PLCG1: variants seen among roughly 807,000 people sequenced by gnomAD.
PLCG1 encodes the protein phospholipase C gamma 1.
Under a neutral mutation model 177.8 loss-of-function variants are expected in PLCG1, and 71 were observed. That is an observed-to-expected ratio of 0.40 (90% CI 0.33 to 0.49). The LOEUF is 0.49. Ranked by LOEUF, PLCG1 falls within the 20% of genes least tolerant of loss-of-function variation. The pLI, the probability that PLCG1 is intolerant of heterozygous loss-of-function variation, is 0.72. For synonymous variants in PLCG1, 658 were observed against 647.9 expected (o/e 1.02, Z -0.24); for missense variants, 1,281 against 1,709.0 (o/e 0.75, Z 4.42).
chr20:41,138,270 C>T (rs1185555646), intron 1 of PLCG1, among the ~76,000 whole-genome samples: 2 of 151,786 alleles, frequency 1.3e-5, no homozygotes, highest in East Asian at 3.9e-4. Context: ...ACTCTTTATC[C>T]AGAAAGAGCA....
intron 22 of PLCG1, 50 bp from the exon 23 acceptor site, chr20:41,169,407 A>G: frequency 1.4e-6 from 2 of 1,382,650 alleles, no homozygotes; most frequent in Non-Finnish European, 2.1e-6. Flanking sequence ...ATCCCCTCAC[A>G]CACATATGCA....
chr20:41,145,948 T>G (rs1031140769), intron 1 of PLCG1, among the ~76,000 whole-genome samples: 2 of 152,198 alleles, frequency 1.3e-5, no homozygotes, highest in African/African-American at 4.8e-5. Flanking sequence ...GTGCCCAGGC[T>G]TAAGTCCTAG....
In PLCG1 at chr20:41,163,828, C is replaced by T; in HGVS notation, c.1005C>T (p.His335=). Reference sequence around the variant, plus strand: ...CCCACTACTGGATCTCCTCCTCGCACAACACGTGAGTGTGGCTCCTTCAGG... The same window carrying T: ...CCCACTACTGGATCTCCTCCTCGCATAACACGTGAGTGTGGCTCCTTCAGG... ...PLSHYWISSS[H]NTYLTGDQFS... is the part of the protein sequence containing the mutation. Residue 335 remains histidine (H), a synonymous_variant, in exon 10 of 32, where the codon CAC becomes CAT. Coordinates refer to ENST00000685551, the MANE Select transcript of PLCG1 (RefSeq NM_002660.3). The surrounding 1 kb of genome is among the most constrained non-coding windows in gnomAD (Gnocchi z 5.2). 1 of 1,612,688 alleles carries T rather than the reference C, an allele frequency of 6.2e-7. No individual in the cohort carries two copies. The highest frequency in any genetic ancestry group is 8.5e-7 in the Non-Finnish European group (1 of 1,178,666).
chr20:41,174,534 C>T lies in PLCG1; in HGVS notation c.*25C>T, dbSNP rs1380194958. ...GTTGTACCCCAGCCTCGTTGGAGAGCAGCAGGTGCTGTGCGCCTTGTAGAA... is the reference window on the plus strand; with the variant it reads ...GTTGTACCCCAGCCTCGTTGGAGAGTAGCAGGTGCTGTGCGCCTTGTAGAA... On this transcript the variant is annotated 3_prime_UTR_variant, in exon 32 of 32. Transcript: ENST00000685551. The surrounding 1 kb of genome is among the most constrained non-coding windows in gnomAD (Gnocchi z 5.8). The T allele has an allele frequency of 1.3e-6, 2 of 1,571,946 alleles. No homozygotes were observed. The highest frequency in any genetic ancestry group is 2.3e-5 in the East Asian group (1 of 42,674).
rs1235041983 is a variant in PLCG1 at position 41,167,995 on chromosome 20, T to C, written c.2379+66T>C. 1.0e-5 allele frequency: 11 copies of C among 1,087,126 alleles called. No homozygotes were observed. Among genetic ancestry groups the C allele is most frequent in the South Asian group, 1.0e-4 (8 of 79,458 alleles). The allele number at this position is 1,087,126 out of a possible 1,614,324, so 67.3% of individuals were successfully genotyped here. A position where few individuals can be genotyped will look rare whatever the true frequency, so the allele number is the denominator to read the frequency against. ...CCCCAGCTGCTTGGGGCTTCATTTC[T>C]GTGTTCTGGGCCATCTGTGGTCTTT... On this transcript the variant is annotated intron_variant, in intron 20 of 31. Coordinates refer to ENST00000685551, the MANE Select transcript of PLCG1 (RefSeq NM_002660.3). This position sits in a 1 kb window ranked among gnomAD's most constrained non-coding sequence, Gnocchi z 4.4.
chr20:41,172,715 T>A lies in PLCG1; in HGVS notation c.3131-14T>A, dbSNP rs1175667412. 1 of 1,613,470 alleles carries A rather than the reference T, an allele frequency of 6.2e-7. No homozygotes were observed. Among genetic ancestry groups the A allele is most frequent in the South Asian group, 1.1e-5 (1 of 91,064 alleles). On this transcript the variant is annotated splice_polypyrimidine_tract_variant and intron_variant, in intron 26 of 31. Transcript: ENST00000685551. This position sits in a 1 kb window ranked among gnomAD's most constrained non-coding sequence, Gnocchi z 7.0. ...GCAGCTGGACTGGAATACACCATAATCTGCCTCTTCCAGACAAGCCTATGC... is the reference window on the plus strand; with the variant it reads ...GCAGCTGGACTGGAATACACCATAAACTGCCTCTTCCAGACAAGCCTATGC...
At chr20:41,171,995 G>T (rs1186096496) in intron 24 of PLCG1, among the ~76,000 whole-genome samples, 198 bp from the exon 25 acceptor site, 1 of 152,228 alleles carries the variant, frequency 6.6e-6, no homozygotes, top group Non-Finnish European at 1.5e-5. Context: ...GGACAGAAAA[G>T]AGGAAAGATG....
rs757996198 is a variant in PLCG1 at position 41,174,222 on chromosome 20, C to T, written c.3744C>T (p.Gly1248=). The change falls in exon 31 of 32, where the codon GGC becomes GGT. Residue 1248 remains glycine, a synonymous_variant. Coordinates refer to ENST00000685551, the MANE Select transcript of PLCG1 (RefSeq NM_002660.3). This position sits in a 1 kb window ranked among gnomAD's most constrained non-coding sequence, Gnocchi z 5.8. ...TGTTTCATGGCCGAGCCCGGGAAGG[C>T]TCCTTTGAATCCCGCTACCAGCAGC... The part of the protein sequence containing the change: ...GQLFHGRARE[G]SFESRYQQPF... 6.2e-7 allele frequency: 1 copy of T among 1,614,160 alleles called. No individual in the cohort carries two copies. Among genetic ancestry groups the T allele is most frequent in the Admixed American group, 1.7e-5 (1 of 60,022 alleles).
chr20:41,173,566 C>T lies in PLCG1; in HGVS notation c.3394+32C>T, dbSNP rs1285378917. ...CTGTCTTCCCAGTCATCCTCCTCAT[C>T]CTGCTGGGGCACTGCAAGCCTCTCC... On this transcript the variant is annotated intron_variant, in intron 28 of 31. Coordinates refer to ENST00000685551, the MANE Select transcript of PLCG1 (RefSeq NM_002660.3). This position sits in a 1 kb window ranked among gnomAD's most constrained non-coding sequence, Gnocchi z 6.2. The T allele has an allele frequency of 1.1e-5, 18 of 1,614,014 alleles. No homozygotes were observed. The highest frequency in any genetic ancestry group is 1.5e-5 in the Non-Finnish European group (18 of 1,179,974).
rs1171158627 is a variant in PLCG1, at chr20:41,156,130, T to C, written c.218-3476T>C. On this transcript the variant is annotated intron_variant, in intron 1 of 31. Transcript: ENST00000685551. This position sits in a 1 kb window ranked among gnomAD's most constrained non-coding sequence, Gnocchi z 5.0. ...ACAGTCCAGGCACAGGTGTGTGTGG[T>C]CCCTCATTACTTCAGAGCCCCTTAA... is the stretch of plus-strand genomic sequence containing the variant. Among the ~76,000 whole-genome samples, 1 of 152,120 alleles carries C rather than the reference T, an allele frequency of 6.6e-6. No individual in the cohort carries two copies. Among genetic ancestry groups the C allele is most frequent in the Admixed American group, 6.5e-5 (1 of 15,280 alleles).
At position 41,175,067 on chromosome 20, in the gene PLCG1, A is replaced by AG. The variant is rs2036020425; in HGVS notation, c.*558_*559insG. ...TTCTGCCCTGCCTGAGGAGGAGGAC[A>AG]CAGCACAAGGGCACATTGCCCATGG... On this transcript the variant is annotated 3_prime_UTR_variant, in exon 32 of 32. Transcript: ENST00000685551. The AG allele has an allele frequency of 6.5e-6, 1 of 154,988 alleles. No individual in the cohort carries two copies. The highest frequency in any genetic ancestry group is 6.4e-5 in the Admixed American group (1 of 15,614). 9.6% of individuals were successfully genotyped at this position (154,988 alleles called of 1,614,324 possible). A position where few individuals can be genotyped will look rare whatever the true frequency, so the allele number is the denominator to read the frequency against.
intron 24 of PLCG1, among the ~76,000 whole-genome samples, chr20:41,171,586 CA>C (rs71844995): frequency 0.26 from 16,235 of 63,480 alleles, 475 homozygotes; most frequent in East Asian, 0.39. Flanking sequence ...GACTCTGTCT[CA>C]AAAAAAAAAA....
intron 1 of PLCG1, among the ~76,000 whole-genome samples, chr20:41,138,682 CTT>C (rs1282737433): frequency 6.6e-6 from 1 of 152,072 alleles, no homozygotes; most frequent in Non-Finnish European, 1.5e-5. Flanking sequence ...GAGTCTAGCC[CTT>C]TGTCCTCTGT....
rs2035050835 is a variant in PLCG1, at chr20:41,148,060, TA to T, written c.217+10206del. On this transcript the variant is annotated intron_variant, in intron 1 of 31. Coordinates refer to ENST00000685551, the MANE Select transcript of PLCG1 (RefSeq NM_002660.3). This position sits in a 1 kb window ranked among gnomAD's most constrained non-coding sequence, Gnocchi z 4.3. ...CTGTGGCGGCTGGGTCAAGTAGCTC[TA>T]AAACAGGAGAGCCTAGTGGGTTCTG... is the stretch of plus-strand genomic sequence containing the variant. 6.6e-6 allele frequency among the ~76,000 whole-genome samples: 1 copy of T among 152,142 alleles called. No homozygotes were observed. The highest frequency in any genetic ancestry group is 6.5e-5 in the Admixed American group (1 of 15,272).
chr20:41,159,823 G>T lies in PLCG1; in HGVS notation c.371-47G>T. ...GGGAATGCCTGCTGGCTCCTGCCCA[G>T]TGGGAGGTATGTGCCCTCGGGGCAG... On this transcript the variant is annotated intron_variant, in intron 2 of 31. Transcript: ENST00000685551. This position sits in a 1 kb window ranked among gnomAD's most constrained non-coding sequence, Gnocchi z 6.0. The T allele has an allele frequency of 6.2e-7, 1 of 1,613,160 alleles. No individual in the cohort carries two copies. Among genetic ancestry groups the T allele is most frequent in the Non-Finnish European group, 8.5e-7 (1 of 1,179,068 alleles).
intron 1 of PLCG1, among the ~76,000 whole-genome samples, chr20:41,155,252 T>TG (rs2035284107): frequency 6.6e-6 from 1 of 152,164 alleles, no homozygotes; most frequent in African/African-American, 2.4e-5. Flanking sequence ...AAAACACACA[T>TG]GAATCTGAGG....
chr20:41,174,506 C>T lies in PLCG1; in HGVS notation c.3873C>T (p.Leu1291=), dbSNP rs200738304. ...CTCGGGTCAATGGAGACAACCGCCTCTAGTTGTACCCCAGCCTCGTTGGAG... is the reference window on the plus strand; with the variant it reads ...CTCGGGTCAATGGAGACAACCGCCTTTAGTTGTACCCCAGCCTCGTTGGAG... The part of the protein sequence containing the change: ...RRTRVNGDNR[L] The change falls in exon 32 of 32, where the codon CTC becomes CTT. Residue 1291 remains leucine (L), a synonymous_variant. Coordinates refer to ENST00000685551, the MANE Select transcript of PLCG1 (RefSeq NM_002660.3). The surrounding 1 kb of genome is among the most constrained non-coding windows in gnomAD (Gnocchi z 5.8). 1.3e-6 allele frequency: 2 copies of T among 1,585,842 alleles called. No individual in the cohort carries two copies. Among genetic ancestry groups the T allele is most frequent in the East Asian group, 4.6e-5 (2 of 43,570 alleles).
rs185020779 is a variant in PLCG1, at chr20:41,157,159, A to G, written c.218-2447A>G. Among the ~76,000 whole-genome samples, 33 of 151,664 alleles carry G rather than the reference A, an allele frequency of 2.2e-4. No individual in the cohort carries two copies. Among genetic ancestry groups the G allele is most frequent in the African/African-American group, 6.3e-4 (26 of 41,226 alleles). ...ATCTCAGGCACCTGTTCTGCCTTCAACTGATCTCAATGGAAATATGTGCAG... is the reference window on the plus strand; with the variant it reads ...ATCTCAGGCACCTGTTCTGCCTTCAGCTGATCTCAATGGAAATATGTGCAG... On this transcript the variant is annotated intron_variant, in intron 1 of 31. Coordinates refer to ENST00000685551, the MANE Select transcript of PLCG1 (RefSeq NM_002660.3). This position sits in a 1 kb window ranked among gnomAD's most constrained non-coding sequence, Gnocchi z 5.4.
chr20:41,159,935 C>G lies in PLCG1; in HGVS notation c.436C>G (p.Gln146Glu), dbSNP rs769331980. 21 of 1,613,880 alleles carry G rather than the reference C, an allele frequency of 1.3e-5. No individual in the cohort carries two copies. The African/African-American group carries it at 2.8e-4, about 22-fold the overall frequency. Residue 146 changes from glutamine to glutamate, a missense_variant, in exon 3 of 32, where the codon CAG becomes GAG. Gln to Glu is a conservative substitution (Grantham distance 29, BLOSUM62 2). Transcript: ENST00000685551. This position sits in a 1 kb window ranked among gnomAD's most constrained non-coding sequence, Gnocchi z 6.0. ...GLTWLMEDTL[Q>E]APTPLQIERW... is the part of the protein sequence containing the mutation. ...AACTTGGCTGATGGAGGATACATTG[C>G]AGGCACCCACACCCCTGCAGATTGA...
Sources: allele counts gnomAD v4.1 joint callset (sites outside exome capture counted in the v4.1 genomes callset), GRCh38; gene constraint gnomAD v4.1.1; non-coding constraint Gnocchi (gnomAD v3.1); transcripts MANE v1.5; gene names NCBI Gene and HGNC (gene_info 2026-07-23, HGNC 2026-07-21).